Variants in SDK2 observed in about 807,000 individuals in gnomAD.
SDK2 encodes the protein protein sidekick-2.
Under a neutral mutation model 253.9 loss-of-function variants are expected in SDK2, and 105 were observed. The observed-to-expected ratio is 0.41, with a 90% CI of 0.35 to 0.49. The LOEUF (loss-of-function observed/expected upper bound fraction) is 0.49. SDK2 is among the 20% of genes least tolerant of loss of function. The pLI is 0.06. For synonymous variants in SDK2, 1,249 were observed against 1,234.9 expected (o/e 1.01, Z -0.24); for missense variants, 2,608 against 3,003.0 (o/e 0.87, Z 3.07).
chr17:73,581,514 C>T (rs1241826287), intron 1 of SDK2, among the ~76,000 whole-genome samples: 1 of 152,236 alleles, frequency 6.6e-6, no homozygotes, highest in Non-Finnish European at 1.5e-5. Context: ...GATAAGCGCA[C>T]CTTCAAGGCT....
chr17:73,510,868 T>A (rs1243100956), intron 1 of SDK2, among the ~76,000 whole-genome samples: 1 of 152,180 alleles, frequency 6.6e-6, no homozygotes, highest in Non-Finnish European at 1.5e-5. Flanking sequence ...AAGCGTCAGG[T>A]GAACGCAGCG....
rs550338929 is a variant in SDK2, at chr17:73,355,217, C to T, written c.5594-2580G>A. On this transcript the variant is annotated intron_variant, in intron 40 of 44. Coordinates refer to ENST00000392650, the MANE Select transcript of SDK2 (RefSeq NM_001144952.2). ...TTTTAGACGGAGTCTCACTCTGTCG[C>T]CCAGGCTGGAGTGTGATGGCATGAT... 5.7e-3 allele frequency among the ~76,000 whole-genome samples: 550 copies of T among 96,642 alleles called. 3 individuals are homozygous for T. Among genetic ancestry groups the T allele is most frequent in the Middle Eastern group, 0.023 (4 of 172 alleles). 63.4% of individuals were successfully genotyped at this position (96,642 alleles called of 152,430 possible).
intron 38 of SDK2, among the ~76,000 whole-genome samples, chr17:73,362,885 C>T (rs112730271): frequency 7.9e-5 from 12 of 152,356 alleles, no homozygotes; most frequent in African/African-American, 2.6e-4. Context: ...ACGCCAGTCA[C>T]CAGTGAAAGA....
In SDK2 at chr17:73,365,345, C is replaced by T. The variant is rs374170731; in HGVS notation, c.5218G>A (p.Val1740Met). The change falls in exon 38 of 45, where the codon GTG (valine) becomes ATG (methionine). Residue 1740 changes from valine to methionine, a missense_variant. Physicochemically the swap from Val to Met is conservative, Grantham distance 21 (BLOSUM62 1). Transcript: ENST00000392650. Reference sequence around the variant, plus strand: ...TGCGGGGCTTCCCAGGACACATTCACTGAGGTTGTGGTCAGCTCACTGAAC... The same window carrying T: ...TGCGGGGCTTCCCAGGACACATTCATTGAGGTTGTGGTCAGCTCACTGAAC... The part of the protein sequence containing the change: ...VKFSELTTTS[V>M]NVSWEAPQFP... 2.5e-6 allele frequency: 4 copies of T among 1,612,836 alleles called. No homozygotes were observed. In the African/African-American group the frequency reaches 5.3e-5, roughly 22 times the overall value.
intron 6 of SDK2, 90 bp downstream of exon 6, chr17:73,440,720 ATG>A: frequency 4.6e-6 from 4 of 869,890 alleles, no homozygotes; most frequent in Non-Finnish European, 7.6e-6. Flanking sequence ...TCCTCAGGTG[ATG>A]TGGCTTCTGG....
intron 1 of SDK2, among the ~76,000 whole-genome samples, chr17:73,608,094 A>G (rs572707117): frequency 1.1e-4 from 17 of 151,976 alleles, no homozygotes; most frequent in African/African-American, 3.9e-4. Flanking sequence ...CTGTTCCCGG[A>G]TCCCATCCAG....
chr17:73,384,122 AG>A, intron 32 of SDK2, 111 bp from the exon 33 acceptor site: 4 of 1,235,714 alleles, frequency 3.2e-6, no homozygotes, highest in Non-Finnish European at 4.5e-6. Flanking sequence ...TGTTTTAACC[AG>A]GAAAAGAAAT....
chr17:73,544,905 G>A (rs975824899), intron 1 of SDK2, among the ~76,000 whole-genome samples: 3 of 152,072 alleles, frequency 2.0e-5, no homozygotes, highest in African/African-American at 7.2e-5. Context: ...ACAGATCTCA[G>A]GTCACTGGGA....
At chr17:73,597,372 G>C (rs2045774418) in intron 1 of SDK2, among the ~76,000 whole-genome samples, 1 of 152,162 alleles carries the variant, frequency 6.6e-6, no homozygotes, top group Non-Finnish European at 1.5e-5. Context: ...TCTGACCATA[G>C]GCAAATTATT....
intron 1 of SDK2, among the ~76,000 whole-genome samples, chr17:73,525,114 C>T (rs951043612): frequency 2.0e-4 from 30 of 152,222 alleles, no homozygotes; most frequent in Non-Finnish European, 2.4e-4. Flanking sequence ...GCCCACCCCT[C>T]CCCAGGGCAC....
chr17:73,633,715 A>T (rs1409500310), intron 1 of SDK2, among the ~76,000 whole-genome samples: 1 of 152,226 alleles, frequency 6.6e-6, no homozygotes, highest in Non-Finnish European at 1.5e-5. Context: ...CAATTAAAGA[A>T]ATCAGTTACA....
intron 1 of SDK2, among the ~76,000 whole-genome samples, chr17:73,526,689 G>A (rs2064128822): frequency 6.6e-6 from 1 of 152,102 alleles, no homozygotes; most frequent in South Asian, 2.1e-4. Context: ...GTGTGTTTGT[G>A]TGCATATGTG....
rs907375142 is a variant in SDK2 at position 73,447,427 on chromosome 17, C to T, written c.613+188G>A. The stretch of plus-strand genomic sequence containing the variant: ...GGGAACGGGCTCCAGCGTTCAGCTG[C>T]TCCTTTCCTGCCCAGGCACCCCTGG... On this transcript the variant is annotated intron_variant, in intron 5 of 44. Transcript: ENST00000392650. The surrounding 1 kb of genome is among the most constrained non-coding windows in gnomAD (Gnocchi z 4.0). 1.3e-5 allele frequency among the ~76,000 whole-genome samples: 2 copies of T among 152,126 alleles called. No individual in the cohort carries two copies. Among genetic ancestry groups the T allele is most frequent in the Non-Finnish European group, 2.9e-5 (2 of 68,020 alleles).
Position 73,430,586 on chromosome 17 carries a change from T to TG in SDK2, c.1507dup (p.Gln503ProfsTer115), listed in dbSNP as rs753108327. 1.4e-5 allele frequency: 22 copies of TG among 1,583,032 alleles called. No homozygotes were observed. The highest frequency in any genetic ancestry group is 3.4e-5 in the South Asian group (3 of 87,796). Reference sequence around the variant, plus strand: ...GGTGCCCTTGATGACACTCTGATCCTGGGGGGGCTTGGTGATGCGGGTCCG... The same window carrying TG: ...GGTGCCCTTGATGACACTCTGATCCTGGGGGGGGCTTGGTGATGCGGGTCCG... On this transcript the variant is annotated frameshift_variant, in exon 12 of 45. Coordinates refer to ENST00000392650, the MANE Select transcript of SDK2 (RefSeq NM_001144952.2). LOFTEE classifies it high-confidence loss of function.
chr17:73,592,272 C>T lies in SDK2; in HGVS notation c.64+51753G>A, dbSNP rs184577068. ...TGGAAAGATCTAGGCCTCTCGGCCCCCATCATGCCGAAATTAGAGGCTGGC... is the reference window on the plus strand; with the variant it reads ...TGGAAAGATCTAGGCCTCTCGGCCCTCATCATGCCGAAATTAGAGGCTGGC... On this transcript the variant is annotated intron_variant, in intron 1 of 44. Transcript: ENST00000392650. Among the ~76,000 whole-genome samples the T allele has an allele frequency of 1.5e-3, 232 of 152,344 alleles. 2 individuals are homozygous for T. Among genetic ancestry groups the T allele is most frequent in the African/African-American group, 5.3e-3 (219 of 41,574 alleles).
At chr17:73,556,744 C>T (rs1599676199) in intron 1 of SDK2, among the ~76,000 whole-genome samples, 1 of 152,334 alleles carries the variant, frequency 6.6e-6, no homozygotes, top group East Asian at 1.9e-4. Flanking sequence ...AACCTGGCAG[C>T]TGTCAGCACA....
At chr17:73,377,774 G>A (rs927296576) in intron 36 of SDK2, among the ~76,000 whole-genome samples, 10 of 150,924 alleles carry the variant, frequency 6.6e-5, no homozygotes, top group Admixed American at 3.3e-4. Context: ...CACCACACCC[G>A]GCTAATTTTG....
chr17:73,642,254 C>T lies in SDK2; in HGVS notation c.64+1771G>A, dbSNP rs1038850163. On this transcript the variant is annotated intron_variant, in intron 1 of 44. Transcript: ENST00000392650. The surrounding 1 kb of genome is among the most constrained non-coding windows in gnomAD (Gnocchi z 4.7). Reference sequence around the variant, plus strand: ...CAAGGGCCATCAGGTGCCCTGGGGACTCTATAAGGGCCTGGTCCTAGATGA... The same window carrying T: ...CAAGGGCCATCAGGTGCCCTGGGGATTCTATAAGGGCCTGGTCCTAGATGA... Among the ~76,000 whole-genome samples, 11 of 152,190 alleles carry T rather than the reference C, an allele frequency of 7.2e-5. No individual in the cohort carries two copies. Among genetic ancestry groups the T allele is most frequent in the Admixed American group, 5.2e-4 (8 of 15,284 alleles).
rs75201179 is a variant in SDK2, at chr17:73,616,637, C to T, written c.64+27388G>A. Among the ~76,000 whole-genome samples, 20 of 152,162 alleles carry T rather than the reference C, an allele frequency of 1.3e-4. No individual in the cohort carries two copies. The East Asian group carries it at 2.7e-3, about 21-fold the overall frequency. ...AATGAACGTTCCATGATGCTATAAA[C>T]GAAGGAAGATAAGAAACTAACTAGT... On this transcript the variant is annotated intron_variant, in intron 1 of 44. Transcript: ENST00000392650. The surrounding 1 kb of genome is among the most constrained non-coding windows in gnomAD (Gnocchi z 5.2).
Sources: allele counts gnomAD v4.1 joint callset (sites outside exome capture counted in the v4.1 genomes callset), GRCh38; gene constraint gnomAD v4.1.1; non-coding constraint Gnocchi (gnomAD v3.1); transcripts MANE v1.5; gene names NCBI Gene and HGNC (gene_info 2026-07-23, HGNC 2026-07-21).